The following OSBPL1A variants were observed in gnomAD, a reference collection of about 807,000 sequenced individuals.
OSBPL1A encodes the protein oxysterol-binding protein-related protein 1.
In OSBPL1A, 80 loss-of-function variants were observed where a neutral mutation model predicts 137.1. The observed-to-expected ratio is 0.58, with a 90% confidence interval of 0.49 to 0.70. The LOEUF (loss-of-function observed/expected upper bound fraction) is 0.70, where lower values mean the gene tolerates loss of function less well. Among genes scored for constraint, OSBPL1A ranks in the 30% least tolerant of loss-of-function variants. The probability of loss-of-function intolerance (pLI) is 0.00; values close to 1 mark genes in which losing one functional copy is unlikely to be tolerated. For synonymous variants in OSBPL1A, 365 were observed against 389.7 expected, an observed-to-expected ratio of 0.94 and a Z score of 0.75; for missense variants, 970 against 1,129.4, an observed-to-expected ratio of 0.86 and a Z score of 2.02.
intron 3 of OSBPL1A, chr18:24,367,917 G>A: frequency 6.5e-6 from 1 of 154,378 alleles, no homozygotes; most frequent in East Asian, 1.7e-4. Context: ...AAGAGATTGT[G>A]ACATTGTTTT....
intron 16 of OSBPL1A, among the ~76,000 whole-genome samples, chr18:24,234,225 A>G (rs569551923): frequency 2.0e-5 from 3 of 152,148 alleles, no homozygotes; most frequent in South Asian, 2.1e-4. Flanking sequence ...GTTTCTCATG[A>G]TATCTTTTTG....
At chr18:24,180,809 G>A (rs1475436478) in intron 19 of OSBPL1A, among the ~76,000 whole-genome samples, 1 of 152,060 alleles carries the variant, frequency 6.6e-6, no homozygotes, top group African/African-American at 2.4e-5. Context: ...CCTGGGAGGC[G>A]GAGCTTGCCG....
At chr18:24,272,873 CT>C (rs2089755043) in intron 15 of OSBPL1A, among the ~76,000 whole-genome samples, 1 of 152,062 alleles carries the variant, frequency 6.6e-6, no homozygotes, top group African/African-American at 2.4e-5. Flanking sequence ...TTCATGGCAT[CT>C]TTGTTTTCAT....
intron 4 of OSBPL1A, 114 bp from the exon 5 acceptor site, chr18:24,341,772 G>A (rs780773452): frequency 6.5e-6 from 4 of 611,910 alleles, no homozygotes; most frequent in Non-Finnish European, 1.1e-5. Flanking sequence ...AGCACCAGGT[G>A]AGAATGTATC....
intron 1 of OSBPL1A, among the ~76,000 whole-genome samples, chr18:24,383,002 C>T (rs1906712008): frequency 6.6e-6 from 1 of 152,068 alleles, no homozygotes. Context: ...TGCTAAATAT[C>T]GGCAGAGAAA....
intron 15 of OSBPL1A, among the ~76,000 whole-genome samples, chr18:24,255,821 C>T (rs542825772): frequency 6.7e-6 from 1 of 149,894 alleles, no homozygotes; most frequent in East Asian, 2.0e-4. Flanking sequence ...CAGTGGTGCG[C>T]TCTCTGCTCA....
chr18:24,281,559 T>C (rs1253964354), intron 14 of OSBPL1A, among the ~76,000 whole-genome samples: 1 of 151,592 alleles, frequency 6.6e-6, no homozygotes, highest in Non-Finnish European at 1.5e-5. Flanking sequence ...GGCTAATTTT[T>C]TTTGTATTTT....
At chr18:24,391,583 A>G (rs1420443446) in intron 1 of OSBPL1A, among the ~76,000 whole-genome samples, 6 of 149,268 alleles carry the variant, frequency 4.0e-5, no homozygotes, top group Non-Finnish European at 4.5e-5. Flanking sequence ...AAAATTAATT[A>G]CCAAATGTCA....
chr18:24,326,406 T>C (rs2090981096), intron 7 of OSBPL1A, among the ~76,000 whole-genome samples: 1 of 152,198 alleles, frequency 6.6e-6, no homozygotes, highest in Non-Finnish European at 1.5e-5. Flanking sequence ...GTACCATATG[T>C]CCTGCCCCTA....
intron 14 of OSBPL1A, among the ~76,000 whole-genome samples, chr18:24,283,044 G>A (rs945312377): frequency 1.3e-5 from 2 of 151,808 alleles, no homozygotes; most frequent in Middle Eastern, 3.4e-3. Context: ...AGGAGTTCAA[G>A]TTTTCTATAC....
intron 14 of OSBPL1A, among the ~76,000 whole-genome samples, chr18:24,287,194 A>G (rs2090079366): frequency 6.6e-6 from 1 of 152,232 alleles, no homozygotes; most frequent in African/African-American, 2.4e-5. Flanking sequence ...AATCTTCATC[A>G]AAGGGTATAA....
intron 17 of OSBPL1A, among the ~76,000 whole-genome samples, chr18:24,218,658 C>T (rs1020714556): frequency 6.6e-6 from 1 of 152,040 alleles, no homozygotes; most frequent in Non-Finnish European, 1.5e-5. Context: ...GTTGGCCAGG[C>T]TGGTCTCGAA....
intron 17 of OSBPL1A, 95 bp from the exon 18 acceptor site, chr18:24,196,295 G>C: frequency 1.2e-6 from 1 of 819,706 alleles, no homozygotes. Context: ...TGCAGGCACA[G>C]AAAGACCCTT....
At chr18:24,332,836 T>C (rs1181948050) in intron 7 of OSBPL1A, 106 bp downstream of exon 7, 2 of 1,339,614 alleles carry the variant, frequency 1.5e-6, no homozygotes, top group African/African-American at 1.5e-5. Context: ...ATAGAAACCA[T>C]ACAGTTTAAC....
chr18:24,211,261 C>T (rs1254893305), intron 17 of OSBPL1A, among the ~76,000 whole-genome samples: 1 of 152,228 alleles, frequency 6.6e-6, no homozygotes, highest in African/African-American at 2.4e-5. Context: ...AGCCACCGCA[C>T]CCAGCCCTAA....
chr18:24,182,869 ATTTTTCTTTTT>A (rs2145926017), intron 18 of OSBPL1A, among the ~76,000 whole-genome samples: 1 of 150,558 alleles, frequency 6.6e-6, no homozygotes, highest in Non-Finnish European at 1.5e-5. Context: ...TCTTTCTTCT[ATTTTTCTTTTT>A]TTTTTTGAGA....
chr18:24,259,680 T>C (rs187006876), intron 15 of OSBPL1A, among the ~76,000 whole-genome samples: 4 of 152,314 alleles, frequency 2.6e-5, no homozygotes, highest in Admixed American at 2.6e-4. Context: ...CTAATGTTAT[T>C]GGGTTTGGGG....
At chr18:24,315,847 TA>T (rs1280691206) in intron 11 of OSBPL1A, among the ~76,000 whole-genome samples, 2 of 117,746 alleles carry the variant, frequency 1.7e-5, no homozygotes, top group African/African-American at 3.4e-5. Flanking sequence ...TATTATATAA[TA>T]AAATATATAA....
Position 24,341,577 on chromosome 18 carries a change from G to T in OSBPL1A, c.364C>A (p.His122Asn). The stretch of plus-strand genomic sequence containing the variant: ...AGCATGCTTCTGATTTCTTCAGCAT[G>T]AGTAACTTCTTTTGCTGTCTGTCCA... ...GSGQTAKEVT[H>N]AEEIRSMLEA... The change falls in exon 5 of 28, where the codon CAT becomes AAT. Residue 122 changes from histidine (H) to asparagine (N), a missense_variant. His to Asn is a moderately conservative substitution (Grantham distance 68). This residue lies in a region of OSBPL1A where 647 missense variants were observed against 672.6 expected (regional missense o/e 0.96). Transcript: ENST00000319481. The T allele has an allele frequency of 4.3e-6, 7 of 1,612,902 alleles. No individual in the cohort carries two copies. The highest frequency in any genetic ancestry group is 5.9e-6 in the Non-Finnish European group (7 of 1,179,286).
Sources: allele counts gnomAD v4.1 joint callset (sites outside exome capture counted in the v4.1 genomes callset), GRCh38; gene constraint gnomAD v4.1.1; regional missense constraint gnomAD v4.1.1; transcripts MANE v1.5; gene names NCBI Gene and HGNC (gene_info 2026-07-23, HGNC 2026-07-21).